Variants in MAT1A observed in about 807,000 individuals in gnomAD.
MAT1A encodes the protein methionine adenosyltransferase 1A, also known as S-adenosylmethionine synthase isoform type-1.
Under a neutral mutation model 44.0 loss-of-function variants are expected in MAT1A, and 19 were observed. That is an observed-to-expected ratio of 0.43 (90% CI 0.30 to 0.63). MAT1A has a LOEUF of 0.63. Among genes scored for constraint, MAT1A ranks in the 30% least tolerant of loss-of-function variants. The probability of loss-of-function intolerance (pLI) is 0.12; values close to 1 mark genes in which losing one functional copy is unlikely to be tolerated. For synonymous variants in MAT1A, 205 were observed against 205.6 expected, an observed-to-expected ratio of 1.00 and a Z score of 0.03; for missense variants, 397 against 531.0, an observed-to-expected ratio of 0.75 and a Z score of 2.48.
chr10:80,274,472 G>T (rs1476737441), intron 8 of MAT1A, 48 bp downstream of exon 8: 1 of 1,612,730 alleles, frequency 6.2e-7, no homozygotes, highest in Non-Finnish European at 8.5e-7. Context: ...GAGCATCTGG[G>T]CAAGGAAGGA....
In MAT1A at chr10:80,272,436, T is replaced by G. The variant is rs1841422508; in HGVS notation, c.*1345A>C. On this transcript the variant is annotated 3_prime_UTR_variant, in exon 9 of 9. Transcript: ENST00000372213. Reference sequence around the variant, plus strand: ...GGGAGCAGACCCGCTCCCCAGACAGTCACCTGGCAAAGGCAGAATCTCCTC... The same window carrying G: ...GGGAGCAGACCCGCTCCCCAGACAGGCACCTGGCAAAGGCAGAATCTCCTC... The G allele has an allele frequency of 6.6e-6, 1 of 152,256 alleles. No individual in the cohort carries two copies. The highest frequency in any genetic ancestry group is 6.5e-5 in the Admixed American group (1 of 15,282). The allele number at this position is 152,256 out of a possible 1,614,324, so 9.4% of individuals were successfully genotyped here.
intron 8 of MAT1A, among the ~76,000 whole-genome samples, chr10:80,274,296 T>C (rs1359198555): frequency 7.2e-5 from 11 of 152,188 alleles, no homozygotes; most frequent in Admixed American, 7.2e-4. Flanking sequence ...ATGGCCCCAC[T>C]GGAGTTGGTG....
At chr10:80,276,094 G>A (rs879911247) in intron 6 of MAT1A, among the ~76,000 whole-genome samples, 4 of 152,228 alleles carry the variant, frequency 2.6e-5, no homozygotes, top group Non-Finnish European at 4.4e-5. Context: ...GGGTAAGGTC[G>A]ATGGTCACTT....
Position 80,289,616 on chromosome 10 carries a change from A to G in MAT1A, c.-193T>C. Reference sequence around the variant, plus strand: ...GGCGAGGACTGCTGAGAAGGGAGGGAGTGGATGGAACACGGGATGTGTCCC... The same window carrying G: ...GGCGAGGACTGCTGAGAAGGGAGGGGGTGGATGGAACACGGGATGTGTCCC... On this transcript the variant is annotated 5_prime_UTR_variant, in exon 1 of 9. Coordinates refer to ENST00000372213, the MANE Select transcript of MAT1A (RefSeq NM_000429.3). The G allele has an allele frequency of 3.1e-6, 2 of 636,942 alleles. No homozygotes were observed. Among genetic ancestry groups the G allele is most frequent in the African/African-American group, 3.6e-5 (2 of 55,434 alleles). 39.5% of individuals were successfully genotyped at this position (636,942 alleles called of 1,614,324 possible).
chr10:80,281,172 C>G (rs1841561913), intron 3 of MAT1A, among the ~76,000 whole-genome samples: 1 of 152,132 alleles, frequency 6.6e-6, no homozygotes, highest in African/African-American at 2.4e-5. Flanking sequence ...CAGGTGCCTC[C>G]CAGAATCTAG....
chr10:80,284,241 AAG>A (rs1427242205), intron 2 of MAT1A, among the ~76,000 whole-genome samples: 1 of 152,224 alleles, frequency 6.6e-6, no homozygotes, highest in Non-Finnish European at 1.5e-5. Flanking sequence ...CTGTCTTGGA[AAG>A]AGTCAGTCAT....
At chr10:80,283,840 C>A (rs1286472296) in intron 3 of MAT1A, 76 bp downstream of exon 3, 1 of 1,608,580 alleles carries the variant, frequency 6.2e-7, no homozygotes, top group Non-Finnish European at 8.5e-7. Context: ...GGCTGAAAGG[C>A]ACGGGTTTGA....
At chr10:80,279,894 T>C (rs1564646812) in intron 5 of MAT1A, among the ~76,000 whole-genome samples, 1 of 151,992 alleles carries the variant, frequency 6.6e-6, no homozygotes, top group Non-Finnish European at 1.5e-5. Context: ...GTGGCAGGAT[T>C]TGGGGACTCA....
At chr10:80,274,887 C>A in intron 7 of MAT1A, 130 bp downstream of exon 7, 1 of 1,288,158 alleles carries the variant, frequency 7.8e-7, no homozygotes. Context: ...CAGTGCCCAA[C>A]ACAATCACAC....
chr10:80,275,336 C>T (rs2132701883), intron 6 of MAT1A, 137 bp from the exon 7 acceptor site: 1 of 788,694 alleles, frequency 1.3e-6, no homozygotes, highest in East Asian at 2.7e-5. Context: ...TTCCTAAGAC[C>T]CCTTAGCCCA....
chr10:80,277,052 C>T (rs1012009077), intron 5 of MAT1A, among the ~76,000 whole-genome samples: 3 of 152,236 alleles, frequency 2.0e-5, no homozygotes, highest in African/African-American at 7.2e-5. Context: ...GTCGGAAGAG[C>T]TGGGATCTGA....
At chr10:80,288,211 T>A (rs1318685034) in intron 1 of MAT1A, among the ~76,000 whole-genome samples, 1 of 152,218 alleles carries the variant, frequency 6.6e-6, no homozygotes, top group African/African-American at 2.4e-5. Context: ...AACACTCGAA[T>A]GAATTTTGAA....
intron 5 of MAT1A, 28 bp from the exon 6 acceptor site, chr10:80,276,622 C>A (rs757656595): frequency 3.1e-6 from 5 of 1,601,816 alleles, no homozygotes; most frequent in Non-Finnish European, 4.2e-6. Flanking sequence ...GGGGGAGATA[C>A]TGTGAGGCTG....
chr10:80,276,568 A>G lies in MAT1A; in HGVS notation c.576T>C (p.Asn192=). The stretch of plus-strand genomic sequence containing the variant: ...GGATGCGCACAGGGATGACTGCGCC[A>G]TTGTCCTGCATGTACTGAACTGTCA... ...TQVTVQYMQD[N]GAVIPVRIHT... Residue 192 remains asparagine, a synonymous_variant, in exon 6 of 9, where the codon AAT becomes AAC. Coordinates refer to ENST00000372213, the MANE Select transcript of MAT1A (RefSeq NM_000429.3). The G allele has an allele frequency of 6.2e-7, 1 of 1,612,864 alleles. No individual in the cohort carries two copies. The highest frequency in any genetic ancestry group is 8.5e-7 in the Non-Finnish European group (1 of 1,180,008).
chr10:80,289,216 C>T (rs1398697382), intron 1 of MAT1A, 117 bp downstream of exon 1: 19 of 842,808 alleles, frequency 2.3e-5, no homozygotes, highest in East Asian at 2.2e-4. Flanking sequence ...AAACAACACA[C>T]GGTACCCCAT....
chr10:80,287,270 G>A (rs145013005), intron 1 of MAT1A, among the ~76,000 whole-genome samples: 1 of 152,366 alleles, frequency 6.6e-6, no homozygotes, highest in East Asian at 1.9e-4. Flanking sequence ...AATGCCCAAG[G>A]AGGTTGTTTC....
In MAT1A at chr10:80,276,548, C is replaced by T. The variant is rs144099376; in HGVS notation, c.596G>A (p.Arg199His). 1.4e-5 allele frequency: 22 copies of T among 1,613,642 alleles called. No individual in the cohort carries two copies. Among genetic ancestry groups the T allele is most frequent in the African/African-American group, 4.0e-5 (3 of 74,938 alleles). Reference protein sequence around the residue: ...MQDNGAVIPVRIHTIVISVQH... With the variant: ...MQDNGAVIPVHIHTIVISVQH... ...CACAGAGATGACGATGGTGTGGATG[C>T]GCACAGGGATGACTGCGCCATTGTC... Residue 199 changes from arginine to histidine, a missense_variant, in exon 6 of 9, where the codon CGC becomes CAC. By Grantham distance (29) the Arg-to-His change is conservative. Coordinates refer to ENST00000372213, the MANE Select transcript of MAT1A (RefSeq NM_000429.3).
In MAT1A at chr10:80,289,594, G is replaced by C. The variant is rs933189819; in HGVS notation, c.-171C>G. The C allele has an allele frequency of 1.2e-5, 8 of 668,114 alleles. No homozygotes were observed. In the African/African-American group the frequency reaches 1.4e-4, roughly 12 times the overall value. The allele number at this position is 668,114 out of a possible 1,614,324, so 41.4% of individuals were successfully genotyped here. ...TGCCTGTGAGCACGTGAGAACAGGCGAGGACTGCTGAGAAGGGAGGGAGTG... is the reference window on the plus strand; with the variant it reads ...TGCCTGTGAGCACGTGAGAACAGGCCAGGACTGCTGAGAAGGGAGGGAGTG... On this transcript the variant is annotated 5_prime_UTR_variant, in exon 1 of 9. Coordinates refer to ENST00000372213, the MANE Select transcript of MAT1A (RefSeq NM_000429.3).
chr10:80,285,497 T>TCC lies in MAT1A; in HGVS notation c.169+14_169+15insGG. The stretch of plus-strand genomic sequence containing the variant: ...CACTTAGGTCTCCAGCAGGGAGGGA[T>TCC]CGGGTGTTTCTTACCACAGGCCACC... On this transcript the variant is annotated intron_variant, in intron 2 of 8. Coordinates refer to ENST00000372213, the MANE Select transcript of MAT1A (RefSeq NM_000429.3). 1 of 1,611,880 alleles carries TCC rather than the reference T, an allele frequency of 6.2e-7. No individual in the cohort carries two copies. Among genetic ancestry groups the TCC allele is most frequent in the East Asian group, 2.2e-5 (1 of 44,854 alleles).
Sources: allele counts gnomAD v4.1 joint callset (sites outside exome capture counted in the v4.1 genomes callset), GRCh38; gene constraint gnomAD v4.1.1; transcripts MANE v1.5; gene names NCBI Gene and HGNC (gene_info 2026-07-23, HGNC 2026-07-21).